CTIF: variants seen among roughly 807,000 people sequenced by gnomAD.
CTIF encodes the protein cap binding complex dependent translation initiation factor, also known as CBP80/20-dependent translation initiation factor.
A neutral mutation model predicts 66.0 loss-of-function variants in CTIF; 21 were observed. The ratio of observed to expected loss-of-function variants is 0.32; its 90% confidence interval spans 0.23 to 0.46. The LOEUF (loss-of-function observed/expected upper bound fraction) is 0.46. Ranked by LOEUF, CTIF falls within the 20% of genes least tolerant of loss-of-function variation. The pLI is 1.00. For missense variants in CTIF, 739 were observed against 812.7 expected, an observed-to-expected ratio of 0.91 and a Z score of 1.10; for synonymous variants, 345 against 326.4, an observed-to-expected ratio of 1.06 and a Z score of -0.62.
intron 9 of CTIF, among the ~76,000 whole-genome samples, chr18:48,803,908 G>A (rs1384015290): frequency 1.3e-5 from 2 of 152,204 alleles, no homozygotes; most frequent in African/African-American, 4.8e-5. Flanking sequence ...GCAAGTCAAA[G>A]CCCAGACAAG....
chr18:48,662,693 C>T (rs926996135), intron 3 of CTIF: 3 of 152,076 alleles, frequency 2.0e-5, no homozygotes, highest in Non-Finnish European at 2.9e-5. Context: ...TTGGTTTCCT[C>T]TTCCAGTTAC....
At chr18:48,609,563 C>G (rs1215922724) in intron 1 of CTIF, among the ~76,000 whole-genome samples, 3 of 152,184 alleles carry the variant, frequency 2.0e-5, no homozygotes, top group African/African-American at 7.2e-5. Context: ...CATGAGGAAG[C>G]AGGCCCAGAG....
At chr18:48,756,380 AG>A (rs1908366355) in intron 7 of CTIF, 1 of 152,242 alleles carries the variant, frequency 6.6e-6, no homozygotes, top group Non-Finnish European at 1.5e-5. Flanking sequence ...ACCCCAACCC[AG>A]GATACCCTCA....
At chr18:48,700,229 ACC>A (rs536923681) in intron 6 of CTIF, among the ~76,000 whole-genome samples, 5 of 152,226 alleles carry the variant, frequency 3.3e-5, no homozygotes, top group Non-Finnish European at 7.3e-5. Context: ...TCTTTCTGCT[ACC>A]ATGTAAGATG....
intron 6 of CTIF, among the ~76,000 whole-genome samples, chr18:48,689,695 A>C (rs2091898600): frequency 6.6e-6 from 1 of 152,206 alleles, no homozygotes; most frequent in Admixed American, 6.5e-5. Context: ...AGATGAGCTG[A>C]ATTCTCAAGG....
chr18:48,830,364 A>G (rs2068664420), intron 10 of CTIF, among the ~76,000 whole-genome samples: 1 of 152,188 alleles, frequency 6.6e-6, no homozygotes, highest in South Asian at 2.1e-4. Flanking sequence ...GGGTTTCACT[A>G]TGTTGGCCAG....
At chr18:48,657,837 C>T (rs575662801) in intron 3 of CTIF, among the ~76,000 whole-genome samples, 4 of 152,274 alleles carry the variant, frequency 2.6e-5, no homozygotes, top group African/African-American at 4.8e-5. Context: ...GCTGCTGCTT[C>T]GTGTGCCCTT....
intron 7 of CTIF, among the ~76,000 whole-genome samples, chr18:48,739,637 C>T (rs989098008): frequency 1.3e-5 from 2 of 152,234 alleles, no homozygotes; most frequent in Non-Finnish European, 2.9e-5. Context: ...GTGCTGCACC[C>T]ATACTGGGTG....
intron 10 of CTIF, among the ~76,000 whole-genome samples, chr18:48,824,015 A>C (rs1387821795): frequency 1.1e-5 from 1 of 87,154 alleles, no homozygotes; most frequent in Non-Finnish European, 2.7e-5. Flanking sequence ...CACACACACA[A>C]ACTGCTAGAA....
At chr18:48,673,705 C>A (rs768542423) in intron 6 of CTIF, 1 of 152,130 alleles carries the variant, frequency 6.6e-6, no homozygotes, top group Non-Finnish European at 1.5e-5. Flanking sequence ...GCTGGAGGGT[C>A]GTGTTCTAGG....
At chr18:48,846,315 C>T (rs934716913) in intron 10 of CTIF, among the ~76,000 whole-genome samples, 1 of 152,256 alleles carries the variant, frequency 6.6e-6, no homozygotes, top group Non-Finnish European at 1.5e-5. Context: ...TGCTGCAATG[C>T]CATATACCTA....
intron 9 of CTIF, among the ~76,000 whole-genome samples, chr18:48,814,821 G>A (rs1449271734): frequency 2.6e-5 from 4 of 152,160 alleles, no homozygotes; most frequent in African/African-American, 2.4e-5. Flanking sequence ...CACTACTTGC[G>A]GGGTCCCTGG....
At chr18:48,757,310 G>A (rs1221195576) in intron 7 of CTIF, among the ~76,000 whole-genome samples, 2 of 152,014 alleles carry the variant, frequency 1.3e-5, no homozygotes, top group Non-Finnish European at 2.9e-5. Flanking sequence ...TTTGCGGGGT[G>A]GATGGGGGAC....
chr18:48,744,805 G>A (rs2092582411), intron 7 of CTIF, among the ~76,000 whole-genome samples: 1 of 151,886 alleles, frequency 6.6e-6, no homozygotes, highest in African/African-American at 2.4e-5. Context: ...TTTATCCTGG[G>A]GCAGTTCTTT....
intron 2 of CTIF, among the ~76,000 whole-genome samples, chr18:48,623,728 G>A (rs2090539965): frequency 6.6e-6 from 1 of 152,144 alleles, no homozygotes; most frequent in African/African-American, 2.4e-5. Context: ...TCTTCAGCTG[G>A]TGAGGTCATT....
intron 6 of CTIF, among the ~76,000 whole-genome samples, chr18:48,709,136 G>A (rs2092194966): frequency 6.6e-6 from 1 of 152,202 alleles, no homozygotes; most frequent in African/African-American, 2.4e-5. Flanking sequence ...TACAGATATG[G>A]AAACTGAGGC....
chr18:48,549,041 G>A (rs967325851), intron 1 of CTIF, among the ~76,000 whole-genome samples: 1 of 152,044 alleles, frequency 6.6e-6, no homozygotes, highest in Non-Finnish European at 1.5e-5. Flanking sequence ...AACTGAGGTT[G>A]TCCTGGGTAG....
intron 10 of CTIF, among the ~76,000 whole-genome samples, chr18:48,843,386 G>A (rs148708123): frequency 6.5e-4 from 99 of 152,224 alleles, no homozygotes; most frequent in Middle Eastern, 3.4e-3. Context: ...TGTTCCCTGC[G>A]GAGTGGGGAG....
At chr18:48,600,793 T>C (rs931570129) in intron 1 of CTIF, among the ~76,000 whole-genome samples, 2 of 152,062 alleles carry the variant, frequency 1.3e-5, no homozygotes, top group Non-Finnish European at 2.9e-5. Context: ...AATTCTTCAT[T>C]ATCTTTTGCA....
Sources: gnomAD v4.1 joint callset for allele counts (sites outside exome capture counted in the v4.1 genomes callset) on GRCh38, gnomAD v4.1.1 for gene constraint, MANE v1.5 for transcripts, NCBI Gene and HGNC (gene_info 2026-07-23, HGNC 2026-07-21) for gene names.